PDE1C: variants seen among roughly 807,000 people sequenced by gnomAD.
PDE1C encodes dual specificity calcium/calmodulin-dependent 3',5'-cyclic nucleotide phosphodiesterase 1C.
A neutral mutation model predicts 93.1 loss-of-function variants in PDE1C; 62 were observed. The observed-to-expected ratio is 0.67, with a 90% confidence interval of 0.54 to 0.82. The LOEUF is 0.82. PDE1C is among the 40% of genes least tolerant of loss of function. PDE1C has a pLI of 0.00. For synonymous variants in PDE1C, 325 were observed against 310.1 expected (o/e 1.05, Z -0.50); for missense variants, 742 against 884.6 (o/e 0.84, Z 2.04).
intron 3 of PDE1C, among the ~76,000 whole-genome samples, chr7:32,082,038 G>A (rs540532275): frequency 1.1e-4 from 16 of 152,352 alleles, no homozygotes; most frequent in Admixed American, 2.6e-4. Context: ...CGCACCATGC[G>A]CGAGCCAAAG....
At chr7:32,131,139 C>T (rs769773456) in intron 3 of PDE1C, among the ~76,000 whole-genome samples, 3 of 152,064 alleles carry the variant, frequency 2.0e-5, no homozygotes, top group Non-Finnish European at 4.4e-5. Context: ...CTCTTAGTGT[C>T]TCAGGAGTTT....
At chr7:32,356,994 T>C (rs541470125) in intron 1 of PDE1C, among the ~76,000 whole-genome samples, 1 of 152,284 alleles carries the variant, frequency 6.6e-6, no homozygotes, top group African/African-American at 2.4e-5. Flanking sequence ...ACATCCTTCC[T>C]AATCTGGAAA....
intron 1 of PDE1C, among the ~76,000 whole-genome samples, chr7:32,389,164 G>GTGTGTGTC (rs1302461153): frequency 1.5e-4 from 21 of 136,542 alleles, no homozygotes; most frequent in African/African-American, 5.7e-4. Flanking sequence ...TGACGTGTGT[G>GTGTGTGTC]TGTGTGTGTG....
intron 1 of PDE1C, among the ~76,000 whole-genome samples, chr7:32,414,632 C>T (rs1006779783): frequency 1.4e-4 from 22 of 151,878 alleles, no homozygotes; most frequent in African/African-American, 5.3e-4. Context: ...ATCTCCTTTC[C>T]AGCTGATCAG....
At chr7:31,994,127 G>A (rs554506050) in intron 2 of PDE1C, among the ~76,000 whole-genome samples, 18 of 152,192 alleles carry the variant, frequency 1.2e-4, no homozygotes, top group Non-Finnish European at 1.8e-4. Flanking sequence ...AAGGAGAGCT[G>A]CATACAGAGG....
At chr7:32,400,463 T>A (rs991393223) in intron 1 of PDE1C, among the ~76,000 whole-genome samples, 1 of 152,218 alleles carries the variant, frequency 6.6e-6, no homozygotes, top group Non-Finnish European at 1.5e-5. Flanking sequence ...CGGAAAATAC[T>A]GCAGGCTAGA....
intron 1 of PDE1C, among the ~76,000 whole-genome samples, chr7:32,053,788 C>T (rs1367404058): frequency 6.6e-6 from 1 of 152,106 alleles, no homozygotes; most frequent in Non-Finnish European, 1.5e-5. Context: ...TAGCAATAAG[C>T]ACTTAATATA....
intron 2 of PDE1C, among the ~76,000 whole-genome samples, chr7:31,895,240 T>G (rs75061449): frequency 0.018 from 2,684 of 151,982 alleles, 52 homozygotes; most frequent in Middle Eastern, 0.095. Flanking sequence ...GGACAGAGGG[T>G]CAGGGATCAA....
chr7:31,772,986 G>A (rs1305008057), intron 17 of PDE1C, among the ~76,000 whole-genome samples: 2 of 152,212 alleles, frequency 1.3e-5, no homozygotes, highest in Non-Finnish European at 1.5e-5. Context: ...GGCAGGAAGG[G>A]AAGTAGAGAG....
chr7:31,697,085 C>T, the PDE1C span: 3 of 1,614,084 alleles, frequency 1.9e-6, no homozygotes, highest in Non-Finnish European at 2.5e-6. Flanking sequence ...AGAAAAGACA[C>T]ACCTGCCCTG....
At chr7:31,720,464 G>A in the PDE1C span, among the ~76,000 whole-genome samples, 1 of 152,178 alleles carries the variant, frequency 6.6e-6, no homozygotes, top group African/African-American at 2.4e-5. Flanking sequence ...TGGGATGAGG[G>A]TTTTCATTGT....
At chr7:31,858,798 T>C (rs1442150029) in intron 7 of PDE1C, among the ~76,000 whole-genome samples, 1 of 152,070 alleles carries the variant, frequency 6.6e-6, no homozygotes, top group East Asian at 1.9e-4. Context: ...TTAAGAATAC[T>C]GAGAAATTCA....
intron 1 of PDE1C, among the ~76,000 whole-genome samples, chr7:32,237,435 A>G (rs1312607433): frequency 6.6e-6 from 1 of 152,128 alleles, no homozygotes; most frequent in Non-Finnish European, 1.5e-5. Flanking sequence ...GAGTTTGATT[A>G]TAAAAGGATT....
At chr7:31,740,667 G>A in the PDE1C span, among the ~76,000 whole-genome samples, 1 of 152,108 alleles carries the variant, frequency 6.6e-6, no homozygotes, top group Non-Finnish European at 1.5e-5. Flanking sequence ...ATGTGAACTA[G>A]TTTTCTCAAT....
rs569212440 is a variant in PDE1C, at chr7:32,421,602, C to G, written c.310+6220G>C. Among the ~76,000 whole-genome samples, 6 of 152,286 alleles carry G rather than the reference C, an allele frequency of 3.9e-5. No individual in the cohort carries two copies. The South Asian group carries it at 8.3e-4, about 21-fold the overall frequency. On this transcript the variant is annotated intron_variant, in intron 1 of 1. Coordinates refer to the PDE1C transcript ENST00000672256. ...GGAGCCAATGATCGAGATTCCAGAG[C>G]CTCCTTCTCTGACACCAGGCTGCCT...
At chr7:32,306,004 G>A (rs1436389055) in intron 1 of PDE1C, among the ~76,000 whole-genome samples, 1 of 152,102 alleles carries the variant, frequency 6.6e-6, no homozygotes, top group African/African-American at 2.4e-5. Context: ...GAATCATAGG[G>A]GCGGTTTCCC....
At chr7:32,139,635 C>T (rs1393642304) in intron 3 of PDE1C, among the ~76,000 whole-genome samples, 4 of 152,082 alleles carry the variant, frequency 2.6e-5, no homozygotes, top group Non-Finnish European at 5.9e-5. Flanking sequence ...ACTGATGCTT[C>T]CAAGCTTTGC....
chr7:31,847,722 T>C (rs1004536644), intron 9 of PDE1C: 3 of 425,432 alleles, frequency 7.1e-6, no homozygotes, highest in African/African-American at 4.1e-5. Flanking sequence ...AATAAAGTAG[T>C]TGGAACTTAA....
At chr7:32,007,788 T>C (rs1395038489) in intron 2 of PDE1C, among the ~76,000 whole-genome samples, 1 of 152,190 alleles carries the variant, frequency 6.6e-6, no homozygotes, top group Admixed American at 6.5e-5. Context: ...CATTGATTTG[T>C]TTATTTTTCA....
Sources: gnomAD v4.1 joint callset for allele counts (sites outside exome capture counted in the v4.1 genomes callset) on GRCh38, gnomAD v4.1.1 for gene constraint, MANE v1.5 for transcripts, NCBI Gene and HGNC (gene_info 2026-07-23, HGNC 2026-07-21) for gene names.